Variants in C7orf78 observed in about 807,000 individuals in gnomAD.
The protein encoded by C7orf78 is chromosome 7 open reading frame 78, also known as putative uncharacterized protein C7orf78.
the C7orf78 span, among the ~76,000 whole-genome samples, chr7:12,521,440 C>T: frequency 6.6e-6 from 1 of 151,836 alleles, no homozygotes. Context: ...GAAATCTACC[C>T]ATTATATGAC....
At chr7:12,530,724 C>T in the C7orf78 span, among the ~76,000 whole-genome samples, 14 of 152,130 alleles carry the variant, frequency 9.2e-5, no homozygotes, top group Non-Finnish European at 1.3e-4. Flanking sequence ...CCTCTTATCT[C>T]ATTGGAAATC....
the C7orf78 span, among the ~76,000 whole-genome samples, chr7:12,485,930 C>T: frequency 6.6e-6 from 1 of 152,022 alleles, no homozygotes. Flanking sequence ...GAGATAGATC[C>T]GATAAATCAC....
the C7orf78 span, among the ~76,000 whole-genome samples, chr7:12,493,675 T>G: frequency 6.6e-6 from 1 of 152,232 alleles, no homozygotes; most frequent in Admixed American, 6.5e-5. Context: ...CAGCTGCTTA[T>G]TAGATGTATA....
At chr7:12,512,065 A>G in the C7orf78 span, among the ~76,000 whole-genome samples, 76 of 151,086 alleles carry the variant, frequency 5.0e-4, no homozygotes, top group African/African-American at 1.0e-3. Flanking sequence ...GTGAGCCACC[A>G]CGCCTGGCCT....
At chr7:12,502,252 A>C in the C7orf78 span, among the ~76,000 whole-genome samples, 5 of 112,982 alleles carry the variant, frequency 4.4e-5, no homozygotes, top group African/African-American at 1.6e-4. Flanking sequence ...TAAACTAAAG[A>C]GCTTCTGCAC....
chr7:12,529,223 G>C, the C7orf78 span, among the ~76,000 whole-genome samples: 1 of 152,058 alleles, frequency 6.6e-6, no homozygotes, highest in Non-Finnish European at 1.5e-5. Context: ...TAGAACTTTG[G>C]ATTTTCTTTT....
the C7orf78 span, among the ~76,000 whole-genome samples, chr7:12,489,491 T>C: frequency 6.6e-6 from 1 of 152,146 alleles, no homozygotes; most frequent in Non-Finnish European, 1.5e-5. Context: ...AAACACTTAA[T>C]ATATATAACT....
the C7orf78 span, among the ~76,000 whole-genome samples, chr7:12,495,929 ATT>A: frequency 7.5e-5 from 11 of 146,766 alleles, no homozygotes; most frequent in Non-Finnish European, 1.2e-4. Context: ...CTCAAAAAAA[ATT>A]TTTTTTTTTT....
chr7:12,510,177 G>T, the C7orf78 span, among the ~76,000 whole-genome samples: 1 of 22,246 alleles, frequency 4.5e-5, no homozygotes, highest in Non-Finnish European at 1.1e-4. Context: ...AATTTTGGGA[G>T]GGTGGGGGGG....
chr7:12,497,422 G>T, the C7orf78 span, among the ~76,000 whole-genome samples: 3 of 152,234 alleles, frequency 2.0e-5, no homozygotes, highest in East Asian at 1.9e-4. Context: ...GGAAGCGCAA[G>T]GGGTCAGGGA....
the C7orf78 span, among the ~76,000 whole-genome samples, chr7:12,490,289 T>A: frequency 6.6e-6 from 1 of 152,112 alleles, no homozygotes; most frequent in Non-Finnish European, 1.5e-5. Context: ...CACTTTAACA[T>A]GATAATTATG....
At chr7:12,497,713 G>T in the C7orf78 span, among the ~76,000 whole-genome samples, 1 of 151,892 alleles carries the variant, frequency 6.6e-6, no homozygotes, top group Non-Finnish European at 1.5e-5. Flanking sequence ...TGGGAAGCTC[G>T]AACTGGGTGG....
the C7orf78 span, among the ~76,000 whole-genome samples, chr7:12,505,629 A>T: frequency 6.6e-6 from 1 of 152,192 alleles, no homozygotes; most frequent in African/African-American, 2.4e-5. Flanking sequence ...GACAACCTAT[A>T]GGTTTTATAA....
At chr7:12,492,539 G>C in the C7orf78 span, among the ~76,000 whole-genome samples, 1 of 152,168 alleles carries the variant, frequency 6.6e-6, no homozygotes, top group Non-Finnish European at 1.5e-5. Context: ...TGCAAATTGA[G>C]TTGGCATGCA....
the C7orf78 span, chr7:12,507,039 C>G: frequency 2.4e-6 from 1 of 415,528 alleles, no homozygotes; most frequent in African/African-American, 2.1e-5. Flanking sequence ...CGCGGTGTCA[C>G]CCTGTAATCC....
the C7orf78 span, among the ~76,000 whole-genome samples, chr7:12,522,420 A>G: frequency 6.6e-6 from 1 of 152,122 alleles, no homozygotes; most frequent in Non-Finnish European, 1.5e-5. Context: ...ATAAGTTTCA[A>G]TAGCAGTAAT....
At chr7:12,517,403 A>C in the C7orf78 span, among the ~76,000 whole-genome samples, 6 of 152,306 alleles carry the variant, frequency 3.9e-5, no homozygotes, top group Admixed American at 3.9e-4. Context: ...GCATGAAAAC[A>C]GATTAATATG....
At chr7:12,529,550 A>G in the C7orf78 span, among the ~76,000 whole-genome samples, 1 of 152,248 alleles carries the variant, frequency 6.6e-6, no homozygotes, top group South Asian at 2.1e-4. Context: ...GGAGGTTCTG[A>G]GAACATGTGG....
chr7:12,523,002 T>C, the C7orf78 span: 7 of 398,190 alleles, frequency 1.8e-5, no homozygotes, highest in Non-Finnish European at 3.1e-5. Flanking sequence ...CCCCACATAA[T>C]ATACCATGAG....
Sources: gnomAD v4.1 joint callset for allele counts (sites outside exome capture counted in the v4.1 genomes callset) on GRCh38, gnomAD v4.1.1 for gene constraint, MANE v1.5 for transcripts, NCBI Gene and HGNC (gene_info 2026-07-23, HGNC 2026-07-21) for gene names.